The following PNPLA7 variants were observed in gnomAD, a reference collection of about 807,000 sequenced individuals.
The protein encoded by PNPLA7 is patatin like domain 7, lysophospholipase, also known as patatin-like phospholipase domain-containing protein 7.
PNPLA7 carries 153 observed loss-of-function variants against 161.7 expected under a neutral mutation model. That is an observed-to-expected ratio of 0.95 (90% confidence interval 0.83 to 1.08). PNPLA7 has a LOEUF of 1.08. PNPLA7 is among the 50% of genes least tolerant of loss of function. PNPLA7 has a pLI of 0.00. For synonymous variants in PNPLA7, 809 were observed against 782.1 expected (o/e 1.03, Z -0.57); for missense variants, 1,739 against 1,856.6 (o/e 0.94, Z 1.16).
intron 24 of PNPLA7, 146 bp downstream of exon 24, chr9:137,478,910 G>T (rs80239173): frequency 1.2e-5 from 14 of 1,145,800 alleles, no homozygotes; most frequent in Non-Finnish European, 1.4e-5. Flanking sequence ...TGAAGGAGAC[G>T]TGAGGCAGGG....
chr9:137,526,872 T>A (rs1301206570), intron 8 of PNPLA7, among the ~76,000 whole-genome samples: 1 of 152,234 alleles, frequency 6.6e-6, no homozygotes, highest in Non-Finnish European at 1.5e-5. Context: ...TGTTTGGGAA[T>A]AGAGACTTTT....
chr9:137,460,364 G>A lies in PNPLA7; in HGVS notation c.*29C>T. ...CCTTGGGGACAGTCCCACGGAAGAC[G>A]CTGCATCCGGGCTCTTTAGCAGAGG... On this transcript the variant is annotated 3_prime_UTR_variant, in exon 35 of 35. Transcript: ENST00000406427. 2 of 1,595,590 alleles carry A rather than the reference G, an allele frequency of 1.3e-6. No individual in the cohort carries two copies. Among genetic ancestry groups the A allele is most frequent in the East Asian group, 2.3e-5 (1 of 44,444 alleles).
chr9:137,496,973 GC>G (rs1833092820), intron 18 of PNPLA7, among the ~76,000 whole-genome samples: 1 of 152,224 alleles, frequency 6.6e-6, no homozygotes, highest in African/African-American at 2.4e-5. Flanking sequence ...CAGAGGCAGA[GC>G]CTGGGGATCA....
At position 137,543,436 on chromosome 9, in the gene PNPLA7, C is replaced by A. The variant is rs200256242; in HGVS notation, c.502G>T (p.Val168Phe). The A allele has an allele frequency of 4.3e-6, 7 of 1,614,078 alleles. 1 individual carries two copies. The South Asian group carries it at 7.7e-5, about 18-fold the overall frequency. ...GGGGCTCATCCCCGCTCTTACCGAA[C>A]GTTTTTCAGCATGTACAGAACTTCC... Reference protein sequence around the residue: ...PSEVLYMLKNVRVLGHFEKPL... With the variant: ...PSEVLYMLKNFRVLGHFEKPL... The change falls in exon 6 of 35, where the codon GTT becomes TTT. Residue 168 changes from valine to phenylalanine, a missense_variant. Physicochemically the swap from Val to Phe is conservative, Grantham distance 50 (BLOSUM62 -1). Around this residue, in one of 6 missense-constraint regions of PNPLA7, gnomAD observed 209 missense variants for 252.8 expected, o/e 0.83. Transcript: ENST00000406427. The surrounding 1 kb of genome is among the most constrained non-coding windows in gnomAD (Gnocchi z 6.9).
At chr9:137,504,766 C>T (rs1172996829) in intron 14 of PNPLA7, among the ~76,000 whole-genome samples, 2 of 152,024 alleles carry the variant, frequency 1.3e-5, no homozygotes, top group African/African-American at 4.8e-5. Flanking sequence ...ATTTTTGAGA[C>T]AGAAAATAAC....
chr9:137,469,074 A>C (rs1215577292), intron 25 of PNPLA7, among the ~76,000 whole-genome samples: 4 of 152,226 alleles, frequency 2.6e-5, no homozygotes, highest in Non-Finnish European at 5.9e-5. Context: ...CAAAAACCCA[A>C]GTTCAAGGAA....
In PNPLA7 at chr9:137,476,892, TAGAC is replaced by T. The variant is rs1831962402; in HGVS notation, c.2882+1138_2882+1141del. ...GCACAAGACAAGGTGGAAAGTCCCT[TAGAC>T]AGAAGGATGCAGTGGGCACCTCATC... On this transcript the variant is annotated intron_variant, in intron 25 of 34. Coordinates refer to ENST00000406427, the MANE Select transcript of PNPLA7 (RefSeq NM_001098537.3). This position sits in a 1 kb window ranked among gnomAD's most constrained non-coding sequence, Gnocchi z 4.5. Among the ~76,000 whole-genome samples, 1 of 152,154 alleles carries T rather than the reference TAGAC, an allele frequency of 6.6e-6. No individual in the cohort carries two copies.
intron 8 of PNPLA7, among the ~76,000 whole-genome samples, chr9:137,532,016 T>C (rs1451749320): frequency 6.6e-6 from 1 of 152,078 alleles, no homozygotes; most frequent in Non-Finnish European, 1.5e-5. Context: ...TCTCCTTTCC[T>C]CTCCCGAACA....
Position 137,543,385 on chromosome 9 carries a change from G to A in PNPLA7, c.506+47C>T. On this transcript the variant is annotated intron_variant, in intron 6 of 34. Coordinates refer to ENST00000406427, the MANE Select transcript of PNPLA7 (RefSeq NM_001098537.3). This position sits in a 1 kb window ranked among gnomAD's most constrained non-coding sequence, Gnocchi z 6.9. ...GAGCCAGGCCCCAGCGAGAAGCCCG[G>A]GGCTATGGGAGCTGCCGCAGCCCCC... is the stretch of plus-strand genomic sequence containing the variant. 1 of 1,612,672 alleles carries A rather than the reference G, an allele frequency of 6.2e-7. No homozygotes were observed.
chr9:137,505,124 G>T (rs537786199), intron 14 of PNPLA7, among the ~76,000 whole-genome samples: 1 of 143,720 alleles, frequency 7.0e-6, no homozygotes, highest in African/African-American at 2.6e-5. Flanking sequence ...AGAGGTGGAG[G>T]TTGCAGTGAG....
At position 137,541,956 on chromosome 9, in the gene PNPLA7, A is replaced by T. The variant is rs965354134; in HGVS notation, c.666+686T>A. 6.6e-5 allele frequency among the ~76,000 whole-genome samples: 10 copies of T among 151,966 alleles called. No individual in the cohort carries two copies. The highest frequency in any genetic ancestry group is 1.0e-4 in the Non-Finnish European group (7 of 67,984). On this transcript the variant is annotated intron_variant, in intron 7 of 34. Transcript: ENST00000406427. This position sits in a 1 kb window ranked among gnomAD's most constrained non-coding sequence, Gnocchi z 4.4. ...CACCATGCCTGGATAATTATTTTTT[A>T]TTTTTTGTAGAGACGGGGTCTCACT... is the stretch of plus-strand genomic sequence containing the variant.
chr9:137,488,199 G>A (rs907525543), intron 20 of PNPLA7, among the ~76,000 whole-genome samples: 1 of 152,078 alleles, frequency 6.6e-6, no homozygotes, highest in African/African-American at 2.4e-5. Flanking sequence ...CCGAGCTTCG[G>A]CCCGAACGCG....
At position 137,549,383 on chromosome 9, in the gene PNPLA7, C is replaced by T. The variant is rs1005244156; in HGVS notation, c.30+785G>A. On this transcript the variant is annotated intron_variant, in intron 1 of 34. Coordinates refer to ENST00000406427, the MANE Select transcript of PNPLA7 (RefSeq NM_001098537.3). ...GAAATCGAGACCATCCTGGCTAACA[C>T]AGTGAAACACCGTCTCTACTGAAAA... Among the ~76,000 whole-genome samples, 9 of 152,164 alleles carry T rather than the reference C, an allele frequency of 5.9e-5. No individual in the cohort carries two copies. In the East Asian group the frequency reaches 1.2e-3, roughly 20 times the overall value.
chr9:137,547,256 C>CT lies in PNPLA7; in HGVS notation c.193+52_193+53insA. Reference sequence around the variant, plus strand: ...CAGGGGCTCAAAACACATCCCAAGACACCCACGCTTTCCCCCAACCCCCCG... The same window carrying CT: ...CAGGGGCTCAAAACACATCCCAAGACTACCCACGCTTTCCCCCAACCCCCCG... On this transcript the variant is annotated intron_variant, in intron 3 of 34. Coordinates refer to ENST00000406427, the MANE Select transcript of PNPLA7 (RefSeq NM_001098537.3). This position sits in a 1 kb window ranked among gnomAD's most constrained non-coding sequence, Gnocchi z 4.6. 1 of 1,545,434 alleles carries CT rather than the reference C, an allele frequency of 6.5e-7. No individual in the cohort carries two copies. Among genetic ancestry groups the CT allele is most frequent in the Non-Finnish European group, 8.9e-7 (1 of 1,118,982 alleles).
rs1324700194 is a variant in PNPLA7, at chr9:137,550,390, G to C, written c.-193C>G. The C allele has an allele frequency of 1.5e-6, 1 of 664,558 alleles. No individual in the cohort carries two copies. The highest frequency in any genetic ancestry group is 1.8e-5 in the African/African-American group (1 of 55,310). The allele number at this position is 664,558 out of a possible 1,614,324, so 41.2% of individuals were successfully genotyped here. A position where few individuals can be genotyped will look rare whatever the true frequency, so the allele number is the denominator to read the frequency against. ...AGGAAGAAAAGCTGTCTTTTGAGAA[G>C]TGTCTGTCATCTGCTAGGAGCCACC... On this transcript the variant is annotated 5_prime_UTR_variant, in exon 1 of 35. Coordinates refer to ENST00000406427, the MANE Select transcript of PNPLA7 (RefSeq NM_001098537.3).
intron 33 of PNPLA7, 117 bp downstream of exon 33, chr9:137,461,419 G>T: frequency 8.8e-7 from 1 of 1,130,732 alleles, no homozygotes; most frequent in South Asian, 1.5e-5. Flanking sequence ...CTGGAGCCTG[G>T]GCGTGGACGT....
chr9:137,547,600 AC>A lies in PNPLA7; in HGVS notation c.89del (p.Gly30ValfsTer7), dbSNP rs1258332822. On this transcript the variant is annotated frameshift_variant, in exon 2 of 35. Transcript: ENST00000406427. LOFTEE classifies it high-confidence loss of function. The surrounding 1 kb of genome is among the most constrained non-coding windows in gnomAD (Gnocchi z 4.6). ...AGGTGATTACCATGGTGGACGGTGA[AC>A]CTTCCTCCGTGAACCACAGTCCCCA... ...HSWGLWFTEE[G>X]SPSTMLTGIA... The A allele has an allele frequency of 1.9e-6, 3 of 1,613,196 alleles. No homozygotes were observed. Among genetic ancestry groups the A allele is most frequent in the South Asian group, 2.2e-5 (2 of 91,082 alleles).
intron 25 of PNPLA7, among the ~76,000 whole-genome samples, chr9:137,477,395 C>T (rs753101321): frequency 9.9e-5 from 15 of 151,966 alleles, no homozygotes; most frequent in Non-Finnish European, 1.6e-4. Context: ...TGGGAAAGAC[C>T]GGCTAAGGAA....
intron 9 of PNPLA7, among the ~76,000 whole-genome samples, chr9:137,522,398 G>A (rs1416937772): frequency 6.6e-6 from 1 of 151,264 alleles, no homozygotes; most frequent in African/African-American, 2.4e-5. Flanking sequence ...CACCGTGTGA[G>A]CCAGGATGGT....
Sources: allele counts gnomAD v4.1 joint callset (sites outside exome capture counted in the v4.1 genomes callset), GRCh38; gene constraint gnomAD v4.1.1; regional missense constraint gnomAD v4.1.1; non-coding constraint Gnocchi (gnomAD v3.1); transcripts MANE v1.5; gene names NCBI Gene and HGNC (gene_info 2026-07-23, HGNC 2026-07-21).